Variants in BOC observed in about 807,000 individuals in gnomAD.
BOC encodes the protein brother of CDO.
Under a neutral mutation model 112.0 loss-of-function variants are expected in BOC, and 76 were observed. The observed-to-expected ratio is 0.68, with a 90% CI of 0.56 to 0.82. The LOEUF (loss-of-function observed/expected upper bound fraction) is 0.82, where lower values mean the gene tolerates loss of function less well. BOC is among the 40% of genes least tolerant of loss of function. The pLI is 0.00. For missense variants in BOC, 1,309 were observed against 1,511.7 expected (o/e 0.87, Z 2.22); for synonymous variants, 580 against 599.8 (o/e 0.97, Z 0.48).
chr3:113,273,281 A>T lies in BOC; in HGVS notation c.1174A>T (p.Met392Leu), dbSNP rs781542207. 1.2e-6 allele frequency: 2 copies of T among 1,608,764 alleles called. No individual in the cohort carries two copies. The highest frequency in any genetic ancestry group is 2.7e-5 in the African/African-American group (2 of 74,964). Reference protein sequence around the residue: ...GPEDEGVYQCMAENEVGSAHA... With the variant: ...GPEDEGVYQCLAENEVGSAHA... The stretch of plus-strand genomic sequence containing the variant: ...TGAGGACGAAGGCGTCTACCAGTGC[A>T]TGGCCGAGAACGAGGTTGGGAGCGC... The change falls in exon 8 of 20, where the codon ATG becomes TTG. Residue 392 changes from methionine (M) to leucine (L), a missense_variant. Coordinates refer to ENST00000682979, the MANE Select transcript of BOC (RefSeq NM_001378074.1).
intron 5 of BOC, chr3:113,269,688 T>A (rs1020911557): frequency 6.6e-6 from 1 of 152,076 alleles, no homozygotes; most frequent in Non-Finnish European, 1.5e-5. Context: ...ATCCAACCAC[T>A]CAGAACTAAC....
intron 1 of BOC, among the ~76,000 whole-genome samples, chr3:113,213,193 C>T (rs1426335170): frequency 2.6e-5 from 4 of 152,196 alleles, no homozygotes; most frequent in African/African-American, 9.6e-5. Context: ...CATCCCTTCT[C>T]TGCAAGTTCA....
chr3:113,282,615 G>A (rs11715146), intron 15 of BOC, among the ~76,000 whole-genome samples: 2 of 151,856 alleles, frequency 1.3e-5, no homozygotes, highest in Non-Finnish European at 2.9e-5. Context: ...CAGGGGGTCC[G>A]GGTGGGGAGA....
rs1294984950 is a variant in BOC, at chr3:113,281,206, C to A, written c.2434+53C>A. 1.1e-5 allele frequency: 18 copies of A among 1,600,644 alleles called. No individual in the cohort carries two copies. In the Admixed American group the frequency reaches 3.0e-4, roughly 27 times the overall value. ...TCTTGGTGTTTCCAGCGAGGGAAGGCAGAGTCACCATTCCCTGTGCCTGTG... is the reference window on the plus strand; with the variant it reads ...TCTTGGTGTTTCCAGCGAGGGAAGGAAGAGTCACCATTCCCTGTGCCTGTG... On this transcript the variant is annotated intron_variant, in intron 15 of 19. Coordinates refer to ENST00000682979, the MANE Select transcript of BOC (RefSeq NM_001378074.1).
At chr3:113,250,867 C>G in intron 4 of BOC, 34 bp downstream of exon 4, 1 of 1,608,518 alleles carries the variant, frequency 6.2e-7, no homozygotes, top group Non-Finnish European at 8.5e-7. Flanking sequence ...TGCCATGGTG[C>G]GGTCCCTCCT....
intron 2 of BOC, among the ~76,000 whole-genome samples, chr3:113,221,546 A>G (rs1003915033): frequency 1.3e-5 from 2 of 152,156 alleles, no homozygotes; most frequent in African/African-American, 2.4e-5. Context: ...ATCCTTGACT[A>G]TGTTCTTTCT....
intron 16 of BOC, among the ~76,000 whole-genome samples, chr3:113,283,979 C>G (rs568776553): frequency 6.6e-6 from 1 of 152,240 alleles, no homozygotes; most frequent in South Asian, 2.1e-4. Flanking sequence ...GCTTTCCCCT[C>G]TATCCTGGAA....
rs1313478281 is a variant in BOC at position 113,211,617 on chromosome 3, G to C, written c.-569G>C. 6.6e-6 allele frequency: 1 copy of C among 152,080 alleles called. No homozygotes were observed. Among genetic ancestry groups the C allele is most frequent in the Non-Finnish European group, 1.5e-5 (1 of 68,016 alleles). 9.4% of individuals were successfully genotyped at this position (152,080 alleles called of 1,614,324 possible). A position where few individuals can be genotyped will look rare whatever the true frequency, so the allele number is the denominator to read the frequency against. On this transcript the variant is annotated 5_prime_UTR_variant, in exon 1 of 20. Coordinates refer to ENST00000682979, the MANE Select transcript of BOC (RefSeq NM_001378074.1). ...GGGTGCGCTGGGCGCGGCGTCCCCT[G>C]CGTTGTCCTCCTGCTGCCGCCCCCG...
At chr3:113,286,532 C>A in intron 19 of BOC, 143 bp from the exon 20 acceptor site, 2 of 734,280 alleles carry the variant, frequency 2.7e-6, no homozygotes, top group Non-Finnish European at 4.3e-6. Context: ...ACAGAAGTGC[C>A]CTTGTCTCGG....
At chr3:113,245,832 A>G (rs1010436983) in intron 2 of BOC, among the ~76,000 whole-genome samples, 1 of 152,228 alleles carries the variant, frequency 6.6e-6, no homozygotes, top group Non-Finnish European at 1.5e-5. Flanking sequence ...GTCTTAGGAC[A>G]TCCAAAGGGC....
Position 113,211,661 on chromosome 3 carries a change from G to C in BOC, c.-525G>C, listed in dbSNP as rs1443206625. The C allele has an allele frequency of 6.6e-6, 1 of 152,186 alleles. No individual in the cohort carries two copies. The highest frequency in any genetic ancestry group is 1.5e-5 in the Non-Finnish European group (1 of 68,134). 9.4% of individuals were successfully genotyped at this position (152,186 alleles called of 1,614,324 possible). ...GCCCCCGCGGCCGCCGCTTTCTGCC[G>C]CGGGGACCCTGAGCCCCGGCCCGCC... On this transcript the variant is annotated 5_prime_UTR_variant, in exon 1 of 20. Transcript: ENST00000682979.
chr3:113,243,707 C>G (rs975465475), intron 2 of BOC, among the ~76,000 whole-genome samples: 1 of 152,172 alleles, frequency 6.6e-6, no homozygotes, highest in African/African-American at 2.4e-5. Flanking sequence ...TCAGTATCAC[C>G]TTCCTGCTGT....
At position 113,278,838 on chromosome 3, in the gene BOC, G is replaced by A. The variant is rs1948913946; in HGVS notation, c.1816+55G>A. On this transcript the variant is annotated intron_variant, in intron 11 of 19. Coordinates refer to ENST00000682979, the MANE Select transcript of BOC (RefSeq NM_001378074.1). This position sits in a 1 kb window ranked among gnomAD's most constrained non-coding sequence, Gnocchi z 4.2. ...CAGTCAGGACTGGAACTGCCTCAGA[G>A]GCCTGTTCCCATGGCTGAATGGGGT... The A allele has an allele frequency of 6.8e-7, 1 of 1,461,512 alleles. No individual in the cohort carries two copies. The highest frequency in any genetic ancestry group is 2.5e-5 in the East Asian group (1 of 40,328). The allele number at this position is 1,461,512 out of a possible 1,614,324, so 90.5% of individuals were successfully genotyped here. A position where few individuals can be genotyped will look rare whatever the true frequency, so the allele number is the denominator to read the frequency against.
intron 5 of BOC, 110 bp downstream of exon 5, chr3:113,268,555 C>T: frequency 9.5e-7 from 1 of 1,049,828 alleles, no homozygotes; most frequent in Non-Finnish European, 1.4e-6. Flanking sequence ...TCTCCCAAAC[C>T]CCCCTCAACA....
rs567370895 is a variant in BOC, at chr3:113,271,279, G to A, written c.667+335G>A. 8.5e-5 allele frequency: 43 copies of A among 505,146 alleles called. 1 individual carries two copies. Among genetic ancestry groups the A allele is most frequent in the South Asian group, 5.1e-4 (33 of 64,172 alleles). 31.3% of individuals were successfully genotyped at this position (505,146 alleles called of 1,614,324 possible). The stretch of plus-strand genomic sequence containing the variant: ...TGGGTCTTGTCTCAAGCTCAGCAGC[G>A]GACACAGCATGTGCCTAGAACAGAT... On this transcript the variant is annotated intron_variant, in intron 6 of 19. Transcript: ENST00000682979.
At position 113,272,468 on chromosome 3, in the gene BOC, C is replaced by T. The variant is rs1208975932; in HGVS notation, c.726C>T (p.Val242=). The T allele has an allele frequency of 4.3e-6, 7 of 1,614,000 alleles. No individual in the cohort carries two copies. In the African/African-American group the frequency reaches 6.7e-5, roughly 15 times the overall value. The stretch of plus-strand genomic sequence containing the variant: ...CCCCAGAGGCCCAAACCATCATCGT[C>T]ACCAAAGGCCAGAGTCTCATTCTGG... ...IYPPEAQTII[V]TKGQSLILEC... is the part of the protein sequence containing the mutation. Residue 242 remains valine (V), a synonymous_variant, in exon 7 of 20, where the codon GTC becomes GTT. Coordinates refer to ENST00000682979, the MANE Select transcript of BOC (RefSeq NM_001378074.1).
At chr3:113,245,693 C>T (rs1193733763) in intron 2 of BOC, among the ~76,000 whole-genome samples, 1 of 152,106 alleles carries the variant, frequency 6.6e-6, no homozygotes, top group Non-Finnish European at 1.5e-5. Context: ...GTAGCTAGTC[C>T]CTCTCTACCA....
chr3:113,219,894 T>C (rs1043173999), intron 2 of BOC, among the ~76,000 whole-genome samples: 3 of 152,194 alleles, frequency 2.0e-5, no homozygotes, highest in African/African-American at 7.2e-5. Context: ...ATGTCTCTTA[T>C]TTCTTCCCCC....
chr3:113,281,527 G>A (rs1020343077), intron 15 of BOC, among the ~76,000 whole-genome samples: 8 of 152,222 alleles, frequency 5.3e-5, no homozygotes, highest in Non-Finnish European at 1.0e-4. Flanking sequence ...TGAGGAAGCT[G>A]TATACTGCAG....
Sources: allele counts gnomAD v4.1 joint callset (sites outside exome capture counted in the v4.1 genomes callset), GRCh38; gene constraint gnomAD v4.1.1; non-coding constraint Gnocchi (gnomAD v3.1); transcripts MANE v1.5; gene names NCBI Gene and HGNC (gene_info 2026-07-23, HGNC 2026-07-21).